PLCE1: variants seen among roughly 807,000 people sequenced by gnomAD.
PLCE1 encodes the protein phospholipase C epsilon 1, also known as 1-phosphatidylinositol 4,5-bisphosphate phosphodiesterase epsilon-1.
A neutral mutation model predicts 242.8 loss-of-function variants in PLCE1; 119 were observed. The observed-to-expected ratio is 0.49, with a 90% CI of 0.42 to 0.57. PLCE1 has a LOEUF of 0.57. Ranked by LOEUF, PLCE1 falls within the 20% of genes least tolerant of loss-of-function variation. The pLI, the probability that PLCE1 is intolerant of heterozygous loss-of-function variation, is 0.00. For missense variants in PLCE1, 2,441 were observed against 2,788.8 expected (o/e 0.88, Z 2.81); for synonymous variants, 945 against 1,017.4 (o/e 0.93, Z 1.35).
At chr10:94,151,086 G>A (rs543723122) in intron 3 of PLCE1, among the ~76,000 whole-genome samples, 1 of 152,290 alleles carries the variant, frequency 6.6e-6, no homozygotes, top group East Asian at 1.9e-4. Context: ...CTGACCTCAG[G>A]AAGGAAATTT....
In PLCE1 at chr10:94,159,850, T is replaced by C. The variant is rs1173019395; in HGVS notation, c.1493-11330T>C. Among the ~76,000 whole-genome samples, 3 of 152,148 alleles carry C rather than the reference T, an allele frequency of 2.0e-5. No homozygotes were observed. In the East Asian group the frequency reaches 5.8e-4, roughly 29 times the overall value. On this transcript the variant is annotated intron_variant, in intron 3 of 32. Transcript: ENST00000371380. ...GTTTTCATTGTTCAATTCCCACCTA[T>C]GAGTGAGAACGTGCGGTGTTTGGTT...
At chr10:94,128,208 G>A (rs779564812) in intron 2 of PLCE1, among the ~76,000 whole-genome samples, 2 of 152,056 alleles carry the variant, frequency 1.3e-5, no homozygotes, top group African/African-American at 2.4e-5. Context: ...GGCTGGTCTT[G>A]ATCTTCTGAC....
intron 1 of PLCE1, among the ~76,000 whole-genome samples, chr10:94,025,280 T>C (rs76792790): frequency 1.3e-5 from 2 of 152,102 alleles, no homozygotes; most frequent in Non-Finnish European, 2.9e-5. Context: ...CACATCTAGC[T>C]GTAAGGGAGG....
chr10:94,204,689 C>A (rs946479832), intron 4 of PLCE1, among the ~76,000 whole-genome samples: 1 of 119,956 alleles, frequency 8.3e-6, no homozygotes, highest in Non-Finnish European at 1.7e-5. Context: ...GAAAGATACA[C>A]AGGAAGAAAG....
chr10:94,031,889 C>T lies in PLCE1; in HGVS notation c.843C>T (p.Ser281=). 1 of 1,613,838 alleles carries T rather than the reference C, an allele frequency of 6.2e-7. No individual in the cohort carries two copies. Among genetic ancestry groups the T allele is most frequent in the South Asian group, 1.1e-5 (1 of 91,060 alleles). ...EKVDMVYSGD[S]FCRKDFTDSQ... is the part of the protein sequence containing the mutation. ...TTGACATGGTATATTCAGGTGATAG[C>T]TTTTGTAGGAAAGACTTTACTGACA... Residue 281 remains serine (S), a synonymous_variant, in exon 2 of 33, where the codon AGC becomes AGT. Transcript: ENST00000371380.
intron 11 of PLCE1, 62 bp from the exon 12 acceptor site, chr10:94,258,738 G>T: frequency 6.2e-7 from 1 of 1,610,168 alleles, no homozygotes; most frequent in Non-Finnish European, 8.5e-7. Flanking sequence ...AGCAAGTCTG[G>T]TGGGACAGAA....
chr10:94,034,821 A>G (rs1391786633), intron 2 of PLCE1, among the ~76,000 whole-genome samples: 1 of 152,156 alleles, frequency 6.6e-6, no homozygotes, highest in Non-Finnish European at 1.5e-5. Context: ...ACCATTGGCT[A>G]GGAGTTTAAA....
intron 25 of PLCE1, among the ~76,000 whole-genome samples, chr10:94,305,275 A>T (rs143570972): frequency 6.6e-6 from 1 of 152,258 alleles, no homozygotes; most frequent in East Asian, 1.9e-4. Flanking sequence ...ACAAAAAAAT[A>T]ACAAAAAAAA....
At chr10:94,097,912 G>GACA (rs2045375612) in intron 2 of PLCE1, among the ~76,000 whole-genome samples, 1 of 152,224 alleles carries the variant, frequency 6.6e-6, no homozygotes, top group Non-Finnish European at 1.5e-5. Flanking sequence ...AGAGGAAAGA[G>GACA]ACAAAGGTGG....
chr10:94,244,200 T>C (rs115492036), intron 7 of PLCE1, among the ~76,000 whole-genome samples: 2 of 152,258 alleles, frequency 1.3e-5, no homozygotes, highest in Admixed American at 6.5e-5. Context: ...TCAGGGACCA[T>C]AGTCTAAACT....
chr10:94,265,865 A>G lies in PLCE1; in HGVS notation c.4188A>G (p.Leu1396=), dbSNP rs2051495782. Residue 1396 remains leucine (L), a synonymous_variant, in exon 16 of 33, where the codon CTA becomes CTG. Coordinates refer to ENST00000371380, the MANE Select transcript of PLCE1 (RefSeq NM_016341.4). ...ESQENIKELQ[L]PLSYYYIESS... is the part of the protein sequence containing the mutation. ...AGGAGAACATTAAAGAACTGCAGCT[A>G]CCCCTCTCATACTATTACATCGAAT... The G allele has an allele frequency of 6.2e-7, 1 of 1,613,894 alleles. No individual in the cohort carries two copies. The highest frequency in any genetic ancestry group is 8.5e-7 in the Non-Finnish European group (1 of 1,179,856).
chr10:94,229,332 C>A (rs1445516353), intron 5 of PLCE1, among the ~76,000 whole-genome samples: 1 of 152,130 alleles, frequency 6.6e-6, no homozygotes, highest in Non-Finnish European at 1.5e-5. Flanking sequence ...TGGCTGTTGG[C>A]CAGGGACCTT....
intron 1 of PLCE1, among the ~76,000 whole-genome samples, chr10:94,002,836 A>G (rs1450532591): frequency 2.6e-5 from 4 of 152,238 alleles, no homozygotes; most frequent in South Asian, 2.1e-4. Flanking sequence ...TAAATACATC[A>G]TACGCAATTT....
At chr10:94,132,519 T>C in intron 3 of PLCE1, 60 bp downstream of exon 3, 1 of 1,500,354 alleles carries the variant, frequency 6.7e-7, no homozygotes. Context: ...GGATCTAAGT[T>C]AAGATTTATG....
intron 4 of PLCE1, among the ~76,000 whole-genome samples, chr10:94,198,104 A>G (rs2048882368): frequency 6.6e-6 from 1 of 150,928 alleles, no homozygotes; most frequent in African/African-American, 2.4e-5. Flanking sequence ...CTCATTCTTT[A>G]TAGATTGGCT....
chr10:94,225,581 A>G (rs1214592938), intron 4 of PLCE1, among the ~76,000 whole-genome samples: 6 of 152,188 alleles, frequency 3.9e-5, no homozygotes, highest in African/African-American at 1.4e-4. Flanking sequence ...CAGTGAGCCA[A>G]GATCATACCA....
At chr10:94,241,531 C>T (rs554112162) in intron 7 of PLCE1, among the ~76,000 whole-genome samples, 2 of 152,292 alleles carry the variant, frequency 1.3e-5, no homozygotes, top group East Asian at 3.9e-4. Context: ...GTGGCTCCCC[C>T]CTGTAATCCC....
chr10:94,090,697 T>A (rs2045032029), intron 2 of PLCE1, among the ~76,000 whole-genome samples: 1 of 152,256 alleles, frequency 6.6e-6, no homozygotes, highest in African/African-American at 2.4e-5. Context: ...GGACGAGGTC[T>A]ATGCACTCAG....
intron 20 of PLCE1, chr10:94,283,436 C>T (rs2052320324): frequency 3.3e-6 from 1 of 300,466 alleles, no homozygotes; most frequent in East Asian, 8.8e-5. Context: ...TGTGTGCTGT[C>T]AGCTTCTTGA....
Sources: gnomAD v4.1 joint callset for allele counts (sites outside exome capture counted in the v4.1 genomes callset) on GRCh38, gnomAD v4.1.1 for gene constraint, MANE v1.5 for transcripts, NCBI Gene and HGNC (gene_info 2026-07-23, HGNC 2026-07-21) for gene names.